WDR20: variants seen among roughly 807,000 people sequenced by gnomAD.
WDR20 encodes WD repeat domain 20.
A neutral mutation model predicts 38.7 loss-of-function variants in WDR20; 3 were observed. The ratio of observed to expected loss-of-function variants is 0.08; its 90% CI spans 0.04 to 0.20. WDR20 has a LOEUF of 0.20. Ranked by LOEUF, WDR20 falls within the 10% of genes least tolerant of loss-of-function variation. WDR20 has a pLI of 1.00. For missense variants in WDR20, 559 were observed against 727.7 expected, an observed-to-expected ratio of 0.77 and a Z score of 2.67; for synonymous variants, 298 against 285.6, an observed-to-expected ratio of 1.04 and a Z score of -0.44.
At chr14:102,172,074 CCTGGGTACTTGAGATTAGGG>C (rs2060945951) in intron 1 of WDR20, among the ~76,000 whole-genome samples, 1 of 151,280 alleles carries the variant, frequency 6.6e-6, no homozygotes, top group African/African-American at 2.4e-5. Context: ...TGTTTGTGTC[CCTGGGTACTTGAGATTAGGG>C]AGTGGTGATG....
intron 1 of WDR20, among the ~76,000 whole-genome samples, chr14:102,160,239 A>T (rs146565728): frequency 6.6e-6 from 1 of 152,256 alleles, no homozygotes; most frequent in Non-Finnish European, 1.5e-5. Flanking sequence ...AACAGGAGAG[A>T]TTGGTTTTAA....
intron 1 of WDR20, among the ~76,000 whole-genome samples, chr14:102,144,216 C>T (rs2052682599): frequency 6.6e-6 from 1 of 152,048 alleles, no homozygotes; most frequent in Non-Finnish European, 1.5e-5. Flanking sequence ...TGCGCCATGG[C>T]TCACACCTGT....
At chr14:102,190,296 A>G (rs536624109) in intron 1 of WDR20, among the ~76,000 whole-genome samples, 1 of 152,320 alleles carries the variant, frequency 6.6e-6, no homozygotes, top group African/African-American at 2.4e-5. Context: ...GCAGTGGCTC[A>G]CGCCTGTAAT....
intron 1 of WDR20, among the ~76,000 whole-genome samples, chr14:102,174,152 A>C (rs2061568907): frequency 6.6e-6 from 1 of 151,846 alleles, no homozygotes; most frequent in Non-Finnish European, 1.5e-5. Flanking sequence ...ATTGATGGGC[A>C]TTTGTGGTGG....
downstream of WDR20, chr14:102,214,153 G>C: frequency 1.0e-6 from 1 of 985,628 alleles, no homozygotes; most frequent in South Asian, 4.7e-5. Flanking sequence ...GCGTGGGTAG[G>C]GGTCGGGTGA....
In WDR20 at chr14:102,159,818, A is replaced by C. The variant is rs190309649; in HGVS notation, c.249+19646A>C. On this transcript the variant is annotated intron_variant, in intron 1 of 2. Coordinates refer to ENST00000342702, the MANE Select transcript of WDR20 (RefSeq NM_144574.4). ...CACTGCACTCCAGCCTAGGCAACAG[A>C]GGAAGAGCCTGTCTCCAAAAAAATA... Among the ~76,000 whole-genome samples the C allele has an allele frequency of 3.3e-5, 5 of 152,136 alleles. No individual in the cohort carries two copies. The East Asian group carries it at 9.6e-4, about 29-fold the overall frequency.
rs34508888 is a variant in WDR20, at chr14:102,188,872, CAAA to C, written c.250-6045_250-6043del. ...TGGGCAGCAGAGCGAGACCCTGTTT[CAAA>C]AAAAAAAAAAAAAAAAAAAATTCCA... On this transcript the variant is annotated intron_variant, in intron 1 of 2. Transcript: ENST00000342702. 7.4e-4 allele frequency among the ~76,000 whole-genome samples: 72 copies of C among 97,542 alleles called. 1 individual carries two copies. The highest frequency in any genetic ancestry group is 1.4e-3 in the African/African-American group (38 of 26,418). The allele number at this position is 97,542 out of a possible 152,430, so 64.0% of individuals were successfully genotyped here.
chr14:102,141,077 A>G (rs772681711), intron 1 of WDR20, among the ~76,000 whole-genome samples: 32 of 152,166 alleles, frequency 2.1e-4, no homozygotes, highest in Non-Finnish European at 3.5e-4. Flanking sequence ...AAAAGCAGCC[A>G]TTTATTAGAG....
chr14:102,146,259 G>C (rs1041457948), intron 1 of WDR20, among the ~76,000 whole-genome samples: 5 of 152,106 alleles, frequency 3.3e-5, no homozygotes, highest in Admixed American at 2.6e-4. Flanking sequence ...TGGCACCCGG[G>C]TTTTAAGCGA....
chr14:102,140,012 C>T lies in WDR20; in HGVS notation c.89C>T (p.Ser30Leu), dbSNP rs1485820782. 5 of 1,614,068 alleles carry T rather than the reference C, an allele frequency of 3.1e-6. No homozygotes were observed. Among genetic ancestry groups the T allele is most frequent in the African/African-American group, 1.3e-5 (1 of 74,934 alleles). Residue 30 changes from serine to leucine, a missense_variant, in exon 1 of 3, where the codon TCG becomes TTG. Physicochemically the swap from Ser to Leu is moderately radical, Grantham distance 145. Coordinates refer to ENST00000342702, the MANE Select transcript of WDR20 (RefSeq NM_144574.4). ...GGTCTGTACAAGCTGCTGCCGCACT[C>T]GGAGTACAGCCGGCCCAACCGGGTG... ...REGLYKLLPH[S>L]EYSRPNRVPF... is the part of the protein sequence containing the mutation.
intron 1 of WDR20, among the ~76,000 whole-genome samples, chr14:102,191,082 A>G (rs1373652536): frequency 2.6e-4 from 39 of 151,950 alleles, no homozygotes; most frequent in Admixed American, 2.5e-3. Context: ...AATGGTAGCT[A>G]CCCAAATACT....
In WDR20 at chr14:102,197,049, G is replaced by A. The variant is rs116767005; in HGVS notation, c.432+1929G>A. 4.6e-3 allele frequency among the ~76,000 whole-genome samples: 698 copies of A among 152,312 alleles called. 6 individuals carry two copies. The highest frequency in any genetic ancestry group is 0.015 in the African/African-American group (643 of 41,564). On this transcript the variant is annotated intron_variant, in intron 2 of 2. Transcript: ENST00000342702. ...CAGGAATGGTGGTGAAGTAGTCATC[G>A]TGTCGTGCTTTGCTGTGGTGTGACA...
intron 1 of WDR20, among the ~76,000 whole-genome samples, chr14:102,174,046 A>G (rs973009329): frequency 6.6e-6 from 1 of 150,626 alleles, no homozygotes; most frequent in South Asian, 2.1e-4. Flanking sequence ...TCCATCTCAA[A>G]AAAAAAAAAA....
At chr14:102,212,652 C>T, downstream of WDR20, 7 of 1,531,180 alleles carry the variant, frequency 4.6e-6, no homozygotes, top group South Asian at 8.4e-5. Context: ...CTCGGCTGTG[C>T]TTCTGAGTAA....
chr14:102,158,818 G>A (rs576776568), intron 1 of WDR20, among the ~76,000 whole-genome samples: 4 of 151,976 alleles, frequency 2.6e-5, no homozygotes, highest in Non-Finnish European at 4.4e-5. Flanking sequence ...TCACCTCCCC[G>A]ACTCGTTCGC....
chr14:102,142,543 T>A (rs1347569758), intron 1 of WDR20, among the ~76,000 whole-genome samples: 4 of 152,054 alleles, frequency 2.6e-5, no homozygotes, highest in African/African-American at 9.7e-5. Flanking sequence ...AGCCTCAAAC[T>A]CCTGGGCTCA....
downstream of WDR20, chr14:102,213,021 C>A: frequency 1.0e-6 from 1 of 990,208 alleles, no homozygotes; most frequent in Non-Finnish European, 1.2e-6. Context: ...CCCGCTCCCA[C>A]CCGGCAAGGG....
downstream of WDR20, among the ~76,000 whole-genome samples, chr14:102,217,125 A>G (rs1468972990): frequency 1.3e-5 from 2 of 152,100 alleles, no homozygotes; most frequent in African/African-American, 4.8e-5. Context: ...TCCTCTTTGA[A>G]GTTACTCAAG....
chr14:102,193,968 G>A (rs149287170), intron 1 of WDR20, among the ~76,000 whole-genome samples: 1,822 of 152,282 alleles, frequency 0.012, 16 homozygotes, highest in Middle Eastern at 0.041. Context: ...ATGAAGAAAA[G>A]AATCCTTCTT....
Sources: gnomAD v4.1 joint callset for allele counts (sites outside exome capture counted in the v4.1 genomes callset) on GRCh38, gnomAD v4.1.1 for gene constraint, MANE v1.5 for transcripts, NCBI Gene and HGNC (gene_info 2026-07-23, HGNC 2026-07-21) for gene names.